Variants in ADGRB3 observed in about 807,000 individuals in gnomAD.
ADGRB3 encodes the protein brain-specific angiogenesis inhibitor 3.
Under a neutral mutation model 193.4 loss-of-function variants are expected in ADGRB3, and 37 were observed. That is an observed-to-expected ratio of 0.19 (90% CI 0.15 to 0.25). The LOEUF (loss-of-function observed/expected upper bound fraction) is 0.25, where lower values mean the gene tolerates loss of function less well. Ranked by LOEUF, ADGRB3 falls within the 10% of genes least tolerant of loss-of-function variation. The pLI is 1.00. For synonymous variants in ADGRB3, 690 were observed against 644.2 expected (o/e 1.07, Z -1.08); for missense variants, 1,637 against 1,852.9 (o/e 0.88, Z 2.14).
At chr6:68,739,262 T>C (rs922553511) in intron 3 of ADGRB3, among the ~76,000 whole-genome samples, 2 of 152,100 alleles carry the variant, frequency 1.3e-5, no homozygotes, top group East Asian at 1.9e-4. Flanking sequence ...AAGATCTTTG[T>C]AGGAATTTTG....
intron 28 of ADGRB3, among the ~76,000 whole-genome samples, chr6:69,359,532 A>G (rs774490514): frequency 3.9e-5 from 6 of 151,936 alleles, no homozygotes; most frequent in Non-Finnish European, 5.9e-5. Context: ...ATCTTTCAAG[A>G]TAACAGATAT....
At chr6:69,097,538 T>C (rs1415325680) in intron 17 of ADGRB3, among the ~76,000 whole-genome samples, 3 of 152,196 alleles carry the variant, frequency 2.0e-5, no homozygotes, top group African/African-American at 2.4e-5. Flanking sequence ...TACTTTTCTA[T>C]ATGGTAGTAA....
intron 17 of ADGRB3, among the ~76,000 whole-genome samples, chr6:69,165,103 A>C (rs1402705383): frequency 1.3e-5 from 2 of 152,034 alleles, no homozygotes; most frequent in Non-Finnish European, 2.9e-5. Flanking sequence ...ACCTTTCTAA[A>C]GCTAAACCTG....
At chr6:69,331,931 A>G in intron 23 of ADGRB3, 4 of 985,160 alleles carry the variant, frequency 4.1e-6, no homozygotes, top group Non-Finnish European at 4.8e-6. Flanking sequence ...ATGAAGAGTG[A>G]CTCTTCCTAA....
chr6:69,323,330 G>A (rs1049231881), intron 20 of ADGRB3, among the ~76,000 whole-genome samples: 1 of 151,872 alleles, frequency 6.6e-6, no homozygotes, highest in Non-Finnish European at 1.5e-5. Context: ...AATTCAAATG[G>A]ATTGGTGACT....
intron 13 of ADGRB3, among the ~76,000 whole-genome samples, chr6:69,024,819 A>G (rs559621581): frequency 5.7e-4 from 87 of 152,260 alleles, no homozygotes; most frequent in African/African-American, 1.9e-3. Context: ...GCGACCGGGC[A>G]CGGTGGCTCA....
chr6:68,671,932 C>T (rs1169871650), intron 3 of ADGRB3, among the ~76,000 whole-genome samples: 4 of 151,814 alleles, frequency 2.6e-5, no homozygotes, highest in Non-Finnish European at 4.4e-5. Context: ...ATAATTGCTT[C>T]GATCTTGTTG....
chr6:69,323,453 C>G (rs1365973896), intron 20 of ADGRB3, among the ~76,000 whole-genome samples: 1 of 151,990 alleles, frequency 6.6e-6, no homozygotes, highest in East Asian at 1.9e-4. Context: ...GTTAAAGCTA[C>G]TGCATTATAC....
rs1462042578 is a variant in ADGRB3 at position 68,637,490 on chromosome 6, A to G, written c.-88A>G. The G allele has an allele frequency of 3.3e-5, 5 of 152,680 alleles. No homozygotes were observed. 9.5% of individuals were successfully genotyped at this position (152,680 alleles called of 1,614,324 possible). A position where few individuals can be genotyped will look rare whatever the true frequency, so the allele number is the denominator to read the frequency against. Reference sequence around the variant, plus strand: ...CAAACAAACAAAAGCAGTGTCATTTATTCTAAGAAATAACTTCTTAAAGGT... The same window carrying G: ...CAAACAAACAAAAGCAGTGTCATTTGTTCTAAGAAATAACTTCTTAAAGGT... On this transcript the variant is annotated 5_prime_UTR_variant, in exon 2 of 32. Transcript: ENST00000370598.
chr6:68,973,141 C>T (rs1021405617), intron 8 of ADGRB3, among the ~76,000 whole-genome samples: 2 of 152,170 alleles, frequency 1.3e-5, no homozygotes, highest in African/African-American at 4.8e-5. Flanking sequence ...CTATCTTAAA[C>T]AATTCAAGGT....
intron 3 of ADGRB3, among the ~76,000 whole-genome samples, chr6:68,787,831 A>C (rs889111937): frequency 6.6e-6 from 1 of 152,076 alleles, no homozygotes; most frequent in Admixed American, 6.6e-5. Flanking sequence ...TCAATTTCAG[A>C]GCCTGTTATT....
chr6:68,894,907 A>AGATCCCATTATCAGTAGGT (rs1187795550), intron 3 of ADGRB3, among the ~76,000 whole-genome samples: 1 of 151,924 alleles, frequency 6.6e-6, no homozygotes, highest in African/African-American at 2.4e-5. Flanking sequence ...TAATCAGACA[A>AGATCCCATTATCAGTAGGT]GATCCCATTA....
chr6:68,641,854 A>AT (rs1265403063), intron 3 of ADGRB3, among the ~76,000 whole-genome samples: 1 of 152,010 alleles, frequency 6.6e-6, no homozygotes, highest in African/African-American at 2.4e-5. Context: ...AATATTTGAT[A>AT]TTATGATATA....
chr6:68,706,991 G>C (rs529254411), intron 3 of ADGRB3, among the ~76,000 whole-genome samples: 1 of 151,544 alleles, frequency 6.6e-6, no homozygotes, highest in Non-Finnish European at 1.5e-5. Context: ...GGTACCTGTA[G>C]ACCAAGCTAC....
chr6:68,859,690 A>G (rs1309303396), intron 3 of ADGRB3, among the ~76,000 whole-genome samples: 1 of 152,108 alleles, frequency 6.6e-6, no homozygotes, highest in African/African-American at 2.4e-5. Context: ...CATGGGAAAG[A>G]CCCACCCCTA....
chr6:68,722,334 G>T (rs544760452), intron 3 of ADGRB3, among the ~76,000 whole-genome samples: 2 of 151,682 alleles, frequency 1.3e-5, no homozygotes, highest in Admixed American at 6.6e-5. Flanking sequence ...GCGGGGCGGG[G>T]GTTGTGTAGG....
chr6:69,174,612 C>A (rs1775375236), intron 17 of ADGRB3, among the ~76,000 whole-genome samples: 2 of 152,174 alleles, frequency 1.3e-5, no homozygotes, highest in Admixed American at 6.5e-5. Flanking sequence ...TGGGTATATA[C>A]CCCACAATGG....
intron 3 of ADGRB3, among the ~76,000 whole-genome samples, chr6:68,642,808 A>G (rs1020904195): frequency 6.7e-6 from 1 of 148,466 alleles, no homozygotes; most frequent in East Asian, 1.9e-4. Flanking sequence ...CTATAACTTA[A>G]AAAAAAAAAC....
At chr6:68,672,415 T>C (rs898831396) in intron 3 of ADGRB3, among the ~76,000 whole-genome samples, 5 of 152,084 alleles carry the variant, frequency 3.3e-5, no homozygotes, top group Non-Finnish European at 7.4e-5. Context: ...TAACTTTCCC[T>C]CTGAGTACTG....
Sources: gnomAD v4.1 joint callset for allele counts (sites outside exome capture counted in the v4.1 genomes callset) on GRCh38, gnomAD v4.1.1 for gene constraint, MANE v1.5 for transcripts, NCBI Gene and HGNC (gene_info 2026-07-23, HGNC 2026-07-21) for gene names.